Variants in PDZD2 observed in about 807,000 individuals in gnomAD.
PDZD2 encodes the protein PDZ domain containing 2.
In PDZD2, 90 loss-of-function variants were observed where a neutral mutation model predicts 220.7. That is an observed-to-expected ratio of 0.41 (90% CI 0.34 to 0.49). PDZD2 has a LOEUF of 0.49. PDZD2 is among the 20% of genes least tolerant of loss of function. The pLI is 0.28. For synonymous variants in PDZD2, 1,375 were observed against 1,450.5 expected (o/e 0.95, Z 1.18); for missense variants, 3,174 against 3,608.5 (o/e 0.88, Z 3.08).
chr5:31,751,670 A>C (rs1750980754), intron 1 of PDZD2, among the ~76,000 whole-genome samples: 1 of 152,152 alleles, frequency 6.6e-6, no homozygotes, highest in Non-Finnish European at 1.5e-5. Context: ...GTGCTGCATT[A>C]AATACCGGGG....
chr5:31,874,451 T>C (rs1394882629), intron 2 of PDZD2, among the ~76,000 whole-genome samples: 4 of 152,174 alleles, frequency 2.6e-5, no homozygotes. Flanking sequence ...TTTTTAGAAT[T>C]CTTTTCAAAA....
intron 15 of PDZD2, among the ~76,000 whole-genome samples, chr5:32,070,780 G>A (rs142093744): frequency 1.3e-5 from 2 of 152,240 alleles, no homozygotes; most frequent in Non-Finnish European, 2.9e-5. Context: ...CAGATCACCT[G>A]AAGTCTGGAG....
intron 2 of PDZD2, among the ~76,000 whole-genome samples, chr5:31,862,563 C>CT (rs34086606): frequency 0.18 from 23,092 of 128,096 alleles, 2,331 homozygotes; most frequent in Middle Eastern, 0.28. Context: ...CTTTTCTTTT[C>CT]TTTTTTTTTT....
chr5:31,848,739 A>ACT (rs151307434), intron 2 of PDZD2, among the ~76,000 whole-genome samples: 11,856 of 149,064 alleles, frequency 0.08, 555 homozygotes, highest in Middle Eastern at 0.14. Context: ...ACAGAGTGAG[A>ACT]CTGTCAAAAA....
At chr5:32,032,731 A>G (rs6871123) in intron 6 of PDZD2, among the ~76,000 whole-genome samples, 27,905 of 152,152 alleles carry the variant, frequency 0.18, 2,748 homozygotes, top group African/African-American at 0.25. Flanking sequence ...TTAGTCAGAA[A>G]CCTATGTTAT....
At chr5:31,988,707 A>G (rs1375849192) in intron 3 of PDZD2, among the ~76,000 whole-genome samples, 1 of 152,138 alleles carries the variant, frequency 6.6e-6, no homozygotes, top group Non-Finnish European at 1.5e-5. Context: ...CCTGATATCC[A>G]GTTTCTTATT....
intron 1 of PDZD2, among the ~76,000 whole-genome samples, chr5:31,780,518 T>C (rs1296865471): frequency 6.6e-6 from 1 of 152,166 alleles, no homozygotes; most frequent in African/African-American, 2.4e-5. Context: ...CGAAAGCCAG[T>C]GTCTATAGAG....
intron 2 of PDZD2, among the ~76,000 whole-genome samples, chr5:31,916,711 G>A (rs981087356): frequency 3.9e-5 from 6 of 152,126 alleles, no homozygotes; most frequent in African/African-American, 1.4e-4. Context: ...CTTGTGCTCT[G>A]CATAGAGCCA....
At chr5:31,684,427 C>T (rs1746769524) in intron 1 of PDZD2, among the ~76,000 whole-genome samples, 1 of 152,152 alleles carries the variant, frequency 6.6e-6, no homozygotes, top group African/African-American at 2.4e-5. Flanking sequence ...CAAACCAGAC[C>T]ACTTGTCACC....
intron 2 of PDZD2, among the ~76,000 whole-genome samples, chr5:31,883,108 A>C (rs886844559): frequency 5.4e-5 from 8 of 149,114 alleles, no homozygotes; most frequent in Admixed American, 2.0e-4. Flanking sequence ...GGGAGCTTAT[A>C]TTGTGATGGG....
chr5:31,791,129 T>C (rs1208612263), intron 1 of PDZD2, among the ~76,000 whole-genome samples: 4 of 152,164 alleles, frequency 2.6e-5, no homozygotes. Context: ...CTTATCTGCT[T>C]CTGATAAAGC....
chr5:32,052,547 C>G lies in PDZD2; in HGVS notation c.1666-64C>G, dbSNP rs572026693. On this transcript the variant is annotated intron_variant, in intron 8 of 24. Coordinates refer to ENST00000438447, the MANE Select transcript of PDZD2 (RefSeq NM_178140.4). ...ATTTTCAAAGTCTGAGTGTATTTTT[C>G]TGCCAGATACCACAATAGAACAAAT... The G allele has an allele frequency of 2.0e-6, 3 of 1,485,648 alleles. No homozygotes were observed. In the Admixed American group the frequency reaches 5.0e-5, roughly 25 times the overall value. 92.0% of individuals were successfully genotyped at this position (1,485,648 alleles called of 1,614,324 possible).
intron 3 of PDZD2, among the ~76,000 whole-genome samples, chr5:31,988,118 A>T (rs567115586): frequency 1.3e-5 from 2 of 152,238 alleles, no homozygotes; most frequent in South Asian, 4.2e-4. Context: ...GGACCTTTCT[A>T]AACAGCACAT....
chr5:32,037,632 A>G (rs1435382878), intron 7 of PDZD2, among the ~76,000 whole-genome samples: 1 of 152,152 alleles, frequency 6.6e-6, no homozygotes, highest in African/African-American at 2.4e-5. Context: ...CAGATTTCAC[A>G]TGATCCTTTC....
intron 1 of PDZD2, among the ~76,000 whole-genome samples, chr5:31,689,353 A>ATATATATTTTT: frequency 0.023 from 800 of 35,076 alleles, 72 homozygotes; most frequent in African/African-American, 0.056. Flanking sequence ...ATATATATAT[A>ATATATATTTTT]TTTTTTTTTT....
intron 1 of PDZD2, among the ~76,000 whole-genome samples, chr5:31,653,295 A>G (rs1161008815): frequency 6.6e-6 from 1 of 152,052 alleles, no homozygotes; most frequent in African/African-American, 2.4e-5. Context: ...CACAGACTAT[A>G]TCCTGTTTGA....
In PDZD2 at chr5:32,061,023, A is replaced by G. The variant is rs1236541721; in HGVS notation, c.2340A>G (p.Glu780=). The G allele has an allele frequency of 1.2e-6, 2 of 1,614,072 alleles. No individual in the cohort carries two copies. The change falls in exon 14 of 25, where the codon GAA becomes GAG. Residue 780 remains glutamate, a synonymous_variant. Coordinates refer to ENST00000438447, the MANE Select transcript of PDZD2 (RefSeq NM_178140.4). ...SNLSRGDQIL[E]VNSVNVRHAA... is the part of the protein sequence containing the mutation. Reference sequence around the variant, plus strand: ...CTAGCCGCGGGGATCAAATCCTGGAAGTGAACTCCGTCAACGTCCGCCATG... The same window carrying G: ...CTAGCCGCGGGGATCAAATCCTGGAGGTGAACTCCGTCAACGTCCGCCATG...
intron 2 of PDZD2, among the ~76,000 whole-genome samples, chr5:31,874,474 A>T (rs1055208522): frequency 6.6e-6 from 1 of 152,140 alleles, no homozygotes; most frequent in Non-Finnish European, 1.5e-5. Context: ...TGAAAGAGAA[A>T]ATGCAGCCAG....
chr5:32,072,685 C>T (rs1740871663), intron 17 of PDZD2, among the ~76,000 whole-genome samples: 1 of 152,110 alleles, frequency 6.6e-6, no homozygotes, highest in African/African-American at 2.4e-5. Context: ...GAGCTGAGAT[C>T]GCACCATTAG....
Sources: gnomAD v4.1 joint callset for allele counts (sites outside exome capture counted in the v4.1 genomes callset) on GRCh38, gnomAD v4.1.1 for gene constraint, MANE v1.5 for transcripts, NCBI Gene and HGNC (gene_info 2026-07-23, HGNC 2026-07-21) for gene names.